The following GNA12 variants were observed in gnomAD, a reference collection of about 807,000 sequenced individuals.
GNA12 encodes the protein guanine nucleotide-binding protein subunit alpha-12.
In GNA12, 9 loss-of-function variants were observed where a neutral mutation model predicts 26.0. The observed-to-expected ratio is 0.35, with a 90% CI of 0.21 to 0.60. GNA12 has a LOEUF of 0.60. GNA12 is among the 20% of genes least tolerant of loss of function. The pLI, the probability that GNA12 is intolerant of heterozygous loss-of-function variation, is 0.78. For missense variants in GNA12, 405 were observed against 525.8 expected (o/e 0.77, Z 2.25); for synonymous variants, 264 against 219.6 (o/e 1.20, Z -1.79).
intron 1 of GNA12, among the ~76,000 whole-genome samples, chr7:2,835,041 A>G (rs1772470362): frequency 6.6e-6 from 1 of 152,240 alleles, no homozygotes; most frequent in Admixed American, 6.5e-5. Context: ...TAAAGGCTAC[A>G]CTAATGCAAT....
chr7:2,815,575 T>TG (rs1305162798), intron 1 of GNA12, among the ~76,000 whole-genome samples: 11 of 152,298 alleles, frequency 7.2e-5, no homozygotes, highest in Admixed American at 4.6e-4. Flanking sequence ...GCACAGAGGC[T>TG]GGGGAAATTA....
intron 2 of GNA12, among the ~76,000 whole-genome samples, chr7:2,764,189 C>G (rs962390232): frequency 2.6e-5 from 4 of 151,786 alleles, no homozygotes; most frequent in African/African-American, 9.7e-5. Flanking sequence ...CCTCCTGCCT[C>G]AGCCTCCTGA....
rs1790285496 is a variant in GNA12, at chr7:2,737,822, A to T, written c.526-4321T>A. ...TTCAATTTCATTACTTAATAAATAA[A>T]TATTAAAGTTAGCATTTGATTTCCA... On this transcript the variant is annotated intron_variant, in intron 2 of 3. Transcript: ENST00000275364. 2.6e-5 allele frequency among the ~76,000 whole-genome samples: 4 copies of T among 152,344 alleles called. No individual in the cohort carries two copies. In the South Asian group the frequency reaches 8.3e-4, roughly 32 times the overall value.
Position 2,841,540 on chromosome 7 carries a change from T to C in GNA12, c.309+2313A>G, listed in dbSNP as rs181806051. Among the ~76,000 whole-genome samples, 478 of 152,280 alleles carry C rather than the reference T, an allele frequency of 3.1e-3. 3 individuals are homozygous for C. Among genetic ancestry groups the C allele is most frequent in the Admixed American group, 5.1e-3 (78 of 15,298 alleles). On this transcript the variant is annotated intron_variant, in intron 1 of 3. Coordinates refer to ENST00000275364, the MANE Select transcript of GNA12 (RefSeq NM_007353.3). ...AAGCTGGGCACCTAGTCTTCAAAGT[T>C]CACGAAGTATCTGACCAGAGCTCTG...
intron 2 of GNA12, among the ~76,000 whole-genome samples, chr7:2,757,625 C>A (rs898475950): frequency 6.6e-6 from 1 of 152,194 alleles, no homozygotes; most frequent in Non-Finnish European, 1.5e-5. Context: ...GCTGCTGACC[C>A]AAGCACATTG....
At chr7:2,733,795 C>T (rs1790021894) in intron 2 of GNA12, among the ~76,000 whole-genome samples, 1 of 152,210 alleles carries the variant, frequency 6.6e-6, no homozygotes, top group Non-Finnish European at 1.5e-5. Flanking sequence ...TGATGGGGGA[C>T]TCTCTTTCCA....
intron 2 of GNA12, among the ~76,000 whole-genome samples, chr7:2,776,642 ATAAG>A (rs1792085148): frequency 6.6e-6 from 1 of 152,346 alleles, no homozygotes; most frequent in East Asian, 1.9e-4. Flanking sequence ...GCAGGCTGGC[ATAAG>A]GATTACACAT....
At chr7:2,772,392 C>G (rs1248966400) in intron 2 of GNA12, among the ~76,000 whole-genome samples, 1 of 152,050 alleles carries the variant, frequency 6.6e-6, no homozygotes, top group Non-Finnish European at 1.5e-5. Context: ...AAACCCGTCT[C>G]TACTAAAAAT....
chr7:2,744,249 C>T (rs1464616778), intron 2 of GNA12, among the ~76,000 whole-genome samples: 1 of 152,220 alleles, frequency 6.6e-6, no homozygotes, highest in African/African-American at 2.4e-5. Context: ...CCCTGAGTAG[C>T]CTAACTGGGA....
At chr7:2,772,005 T>TG (rs1791960209) in intron 2 of GNA12, among the ~76,000 whole-genome samples, 1 of 152,224 alleles carries the variant, frequency 6.6e-6, no homozygotes, top group South Asian at 2.1e-4. Context: ...GGTGTTCAAC[T>TG]GCATGTGTGT....
chr7:2,736,137 T>G (rs1029936990), intron 2 of GNA12, among the ~76,000 whole-genome samples: 1 of 152,180 alleles, frequency 6.6e-6, no homozygotes, highest in Non-Finnish European at 1.5e-5. Flanking sequence ...ACTAAGAGAA[T>G]TCAGTCATTT....
rs137970688 is a variant in GNA12 at position 2,759,751 on chromosome 7, G to C, written c.526-26250C>G. 9.5e-3 allele frequency among the ~76,000 whole-genome samples: 1,442 copies of C among 152,304 alleles called. 30 individuals carry two copies. The highest frequency in any genetic ancestry group is 0.041 in the Admixed American group (623 of 15,290). On this transcript the variant is annotated intron_variant, in intron 2 of 3. Transcript: ENST00000275364. ...CTTCAGAATTTTAAAAAGAGCAAAAGAGAAAAAACACAGACTGAAGGCCAT... is the reference window on the plus strand; with the variant it reads ...CTTCAGAATTTTAAAAAGAGCAAAACAGAAAAAACACAGACTGAAGGCCAT...
intron 2 of GNA12, among the ~76,000 whole-genome samples, chr7:2,791,593 C>T (rs1287947486): frequency 6.6e-6 from 1 of 152,188 alleles, no homozygotes; most frequent in Non-Finnish European, 1.5e-5. Flanking sequence ...AAAGCAGCTG[C>T]AGCTCTTCAC....
chr7:2,752,383 G>A (rs1050167475), intron 2 of GNA12, among the ~76,000 whole-genome samples: 1 of 152,176 alleles, frequency 6.6e-6, no homozygotes, highest in African/African-American at 2.4e-5. Flanking sequence ...CTGGGTGTAA[G>A]GCAAGGATGC....
chr7:2,804,651 C>T (rs1792899861), intron 1 of GNA12, among the ~76,000 whole-genome samples: 1 of 152,154 alleles, frequency 6.6e-6, no homozygotes, highest in East Asian at 1.9e-4. Flanking sequence ...GGGGCAGTGT[C>T]ACTAGGTTGG....
intron 1 of GNA12, among the ~76,000 whole-genome samples, chr7:2,808,963 CG>C (rs1443604102): frequency 6.6e-6 from 1 of 152,194 alleles, no homozygotes; most frequent in South Asian, 2.1e-4. Context: ...CCCTTTGCCC[CG>C]GATAGCCGCA....
At position 2,774,710 on chromosome 7, in the gene GNA12, T is replaced by G. The variant is rs77860505; in HGVS notation, c.525+20218A>C. ...CATTCCTTTTGCACTTACAGGTTTGTCTTCCTTTTTATATAACTTCTTTCA... is the reference window on the plus strand; with the variant it reads ...CATTCCTTTTGCACTTACAGGTTTGGCTTCCTTTTTATATAACTTCTTTCA... On this transcript the variant is annotated intron_variant, in intron 2 of 3. Coordinates refer to ENST00000275364, the MANE Select transcript of GNA12 (RefSeq NM_007353.3). Among the ~76,000 whole-genome samples the G allele has an allele frequency of 6.0e-4, 91 of 152,392 alleles. No homozygotes were observed. In the East Asian group the frequency reaches 0.016, roughly 27 times the overall value.
chr7:2,761,169 C>T (rs1388585804), intron 2 of GNA12, among the ~76,000 whole-genome samples: 1 of 152,204 alleles, frequency 6.6e-6, no homozygotes, highest in Non-Finnish European at 1.5e-5. Flanking sequence ...GCCGCCTCAC[C>T]GAGCCACCGT....
In GNA12 at chr7:2,755,078, T is replaced by C. The variant is rs186560553; in HGVS notation, c.526-21577A>G. ...TGCTTCTGCCCTTGGCTGCAATCAG[T>C]CGGGCGTGCTGGCGGGGAGCGATCC... is the stretch of plus-strand genomic sequence containing the variant. On this transcript the variant is annotated intron_variant, in intron 2 of 3. Coordinates refer to ENST00000275364, the MANE Select transcript of GNA12 (RefSeq NM_007353.3). 1.0e-3 allele frequency among the ~76,000 whole-genome samples: 158 copies of C among 152,286 alleles called. 1 individual carries two copies. Among genetic ancestry groups the C allele is most frequent in the African/African-American group, 3.8e-3 (157 of 41,554 alleles).
Sources: allele counts gnomAD v4.1 joint callset (sites outside exome capture counted in the v4.1 genomes callset), GRCh38; gene constraint gnomAD v4.1.1; transcripts MANE v1.5; gene names NCBI Gene and HGNC (gene_info 2026-07-23, HGNC 2026-07-21).